The following NET1 variants were observed in gnomAD, a reference collection of about 807,000 sequenced individuals.
NET1 encodes neuroepithelial cell-transforming gene 1 protein.
A neutral mutation model predicts 61.1 loss-of-function variants in NET1; 42 were observed. The observed-to-expected ratio is 0.69, with a 90% CI of 0.54 to 0.89. NET1 has a LOEUF of 0.89. Among genes scored for constraint, NET1 ranks in the 40% least tolerant of loss-of-function variants. The pLI, the probability that NET1 is intolerant of heterozygous loss-of-function variation, is 0.00. For synonymous variants in NET1, 254 were observed against 281.8 expected, an observed-to-expected ratio of 0.90 and a Z score of 0.99; for missense variants, 654 against 747.3, an observed-to-expected ratio of 0.88 and a Z score of 1.46.
chr10:5,434,695 CT>C (rs11288889), intron 3 of NET1, among the ~76,000 whole-genome samples: 8,900 of 104,340 alleles, frequency 0.085, 351 homozygotes, highest in South Asian at 0.23. Flanking sequence ...TGTGGGTTTT[CT>C]TTTTTTTTTT....
rs542134861 is a variant in NET1, at chr10:5,415,109, C to T, written c.128+2289C>T. ...GTATTAATTGTGAGGCAAGAAGCAA[C>T]TAAGCACTGTATCAGATTCAGAAAT... On this transcript the variant is annotated intron_variant, in intron 1 of 11. Transcript: ENST00000355029. This position sits in a 1 kb window ranked among gnomAD's most constrained non-coding sequence, Gnocchi z 4.7. Among the ~76,000 whole-genome samples the T allele has an allele frequency of 5.3e-5, 8 of 152,274 alleles. No individual in the cohort carries two copies. The highest frequency in any genetic ancestry group is 1.9e-4 in the African/African-American group (8 of 41,550).
chr10:5,450,620 A>C (rs1299736758), intron 3 of NET1, among the ~76,000 whole-genome samples: 1 of 152,092 alleles, frequency 6.6e-6, no homozygotes, highest in Non-Finnish European at 1.5e-5. Context: ...GATAATTTTA[A>C]TATAATTTTA....
At chr10:5,432,070 G>C (rs1832358206) in intron 3 of NET1, among the ~76,000 whole-genome samples, 1 of 151,818 alleles carries the variant, frequency 6.6e-6, no homozygotes, top group Non-Finnish European at 1.5e-5. Flanking sequence ...CTATTTTTTT[G>C]CTCTATGCCT....
At chr10:5,428,343 A>G (rs1832293012) in intron 2 of NET1, among the ~76,000 whole-genome samples, 1 of 152,154 alleles carries the variant, frequency 6.6e-6, no homozygotes, top group Admixed American at 6.5e-5. Flanking sequence ...AAAGTGATAA[A>G]TGGTAAGTGG....
rs1407426603 is a variant in NET1, at chr10:5,412,874, G to T, written c.128+54G>T. The T allele has an allele frequency of 1.2e-5, 16 of 1,310,612 alleles. No individual in the cohort carries two copies. The highest frequency in any genetic ancestry group is 4.2e-5 in the South Asian group (2 of 47,064). 81.2% of individuals were successfully genotyped at this position (1,310,612 alleles called of 1,614,324 possible). ...GGGAGGTGAGTGTAGGGGAGCGGAGGGCCGAACGGGAGGTGAGTGTTGGAG... is the reference window on the plus strand; with the variant it reads ...GGGAGGTGAGTGTAGGGGAGCGGAGTGCCGAACGGGAGGTGAGTGTTGGAG... On this transcript the variant is annotated intron_variant, in intron 1 of 11. Transcript: ENST00000355029. The surrounding 1 kb of genome is among the most constrained non-coding windows in gnomAD (Gnocchi z 6.5).
rs558901026 is a variant in NET1, at chr10:5,420,858, T to C, written c.129-5797T>C. 6.6e-6 allele frequency among the ~76,000 whole-genome samples: 1 copy of C among 152,098 alleles called. No individual in the cohort carries two copies. Among genetic ancestry groups the C allele is most frequent in the Non-Finnish European group, 1.5e-5 (1 of 68,002 alleles). On this transcript the variant is annotated intron_variant, in intron 1 of 11. Coordinates refer to ENST00000355029, the MANE Select transcript of NET1 (RefSeq NM_001047160.3). The surrounding 1 kb of genome is among the most constrained non-coding windows in gnomAD (Gnocchi z 5.3). ...AACCGCCCACCTTGACCTCCCAAAG[T>C]GCTGGGATTACAAGTATGAGTCACT...
intron 3 of NET1, among the ~76,000 whole-genome samples, chr10:5,445,822 C>T (rs539573054): frequency 1.3e-5 from 2 of 152,280 alleles, no homozygotes; most frequent in Admixed American, 6.5e-5. Context: ...TGACCCTGTT[C>T]GAGCTATATC....
rs1832276737 is a variant in NET1, at chr10:5,427,533, G to A, written c.195+812G>A. The stretch of plus-strand genomic sequence containing the variant: ...CTCATATCATTAATATACACAAAGA[G>A]GCTCACAGATAAATACACAAGCAGG... On this transcript the variant is annotated intron_variant, in intron 2 of 11. Coordinates refer to ENST00000355029, the MANE Select transcript of NET1 (RefSeq NM_001047160.3). This position sits in a 1 kb window ranked among gnomAD's most constrained non-coding sequence, Gnocchi z 4.1. Among the ~76,000 whole-genome samples the A allele has an allele frequency of 6.6e-6, 1 of 152,068 alleles. No individual in the cohort carries two copies. The highest frequency in any genetic ancestry group is 2.1e-4 in the South Asian group (1 of 4,816).
intron 3 of NET1, among the ~76,000 whole-genome samples, chr10:5,434,152 AG>A (rs1463497159): frequency 1.3e-5 from 2 of 152,224 alleles, no homozygotes; most frequent in Non-Finnish European, 2.9e-5. Context: ...GTATGGTGAG[AG>A]GAATAGGCCA....
Position 5,432,521 on chromosome 10 carries a change from A to T in NET1, c.255+3292A>T, listed in dbSNP as rs184456161. ...AATTACTGTGTTTTTAAATTATTAC[A>T]CTCACTTCTGTGTGTAATTACACCA... On this transcript the variant is annotated intron_variant, in intron 3 of 11. Coordinates refer to ENST00000355029, the MANE Select transcript of NET1 (RefSeq NM_001047160.3). 5.3e-5 allele frequency among the ~76,000 whole-genome samples: 8 copies of T among 152,198 alleles called. No homozygotes were observed. The East Asian group carries it at 1.5e-3, about 29-fold the overall frequency.
intron 3 of NET1, among the ~76,000 whole-genome samples, chr10:5,434,976 A>C (rs1832405645): frequency 6.6e-6 from 1 of 152,108 alleles, no homozygotes; most frequent in Admixed American, 6.6e-5. Flanking sequence ...ACTTTTTCAG[A>C]GCTATAGAAA....
At position 5,452,832 on chromosome 10, in the gene NET1, C is replaced by G. The variant is rs1276629283; in HGVS notation, c.532-26C>G. The stretch of plus-strand genomic sequence containing the variant: ...AATTTTCCTTTCTCGAAGGAATGAC[C>G]TCTGATGTTTGCTGGATGTTTTTAG... On this transcript the variant is annotated intron_variant, in intron 5 of 11. Transcript: ENST00000355029. The surrounding 1 kb of genome is among the most constrained non-coding windows in gnomAD (Gnocchi z 4.0). The G allele has an allele frequency of 1.2e-6, 2 of 1,604,306 alleles. No homozygotes were observed. Among genetic ancestry groups the G allele is most frequent in the Non-Finnish European group, 1.7e-6 (2 of 1,175,494 alleles).
chr10:5,419,115 A>G (rs906278385), intron 1 of NET1, among the ~76,000 whole-genome samples: 20 of 152,306 alleles, frequency 1.3e-4, no homozygotes, highest in Non-Finnish European at 2.6e-4. Context: ...CAATCTGTTT[A>G]TCACTATAAA....
In NET1 at chr10:5,416,927, A is replaced by G. The variant is rs2119163125; in HGVS notation, c.128+4107A>G. ...ATCAGCTCAGTTAGACCCCTGCCTT[A>G]TTTCAAGGACAGGGGGCCTTCTGTA... On this transcript the variant is annotated intron_variant, in intron 1 of 11. Coordinates refer to ENST00000355029, the MANE Select transcript of NET1 (RefSeq NM_001047160.3). The surrounding 1 kb of genome is among the most constrained non-coding windows in gnomAD (Gnocchi z 6.1). Among the ~76,000 whole-genome samples the G allele has an allele frequency of 6.6e-6, 1 of 152,248 alleles. No homozygotes were observed. Among genetic ancestry groups the G allele is most frequent in the Non-Finnish European group, 1.5e-5 (1 of 67,998 alleles).
chr10:5,453,115 A>G lies in NET1; in HGVS notation c.595-135A>G, dbSNP rs1207279344. 1 of 734,248 alleles carries G rather than the reference A, an allele frequency of 1.4e-6. No individual in the cohort carries two copies. The highest frequency in any genetic ancestry group is 1.7e-5 in the South Asian group (1 of 60,358). The allele number at this position is 734,248 out of a possible 1,614,324, so 45.5% of individuals were successfully genotyped here. On this transcript the variant is annotated intron_variant, in intron 6 of 11. Coordinates refer to ENST00000355029, the MANE Select transcript of NET1 (RefSeq NM_001047160.3). This position sits in a 1 kb window ranked among gnomAD's most constrained non-coding sequence, Gnocchi z 4.9. ...AGAGAGTTTATTTGGGGATTAATAC[A>G]TACTAATTTATTTTATGTGTAGCAA...
rs930124586 is a variant in NET1, at chr10:5,422,203, G to A, written c.129-4452G>A. Among the ~76,000 whole-genome samples the A allele has an allele frequency of 2.0e-5, 3 of 152,092 alleles. No homozygotes were observed. Among genetic ancestry groups the A allele is most frequent in the East Asian group, 3.9e-4 (2 of 5,178 alleles). On this transcript the variant is annotated intron_variant, in intron 1 of 11. Coordinates refer to ENST00000355029, the MANE Select transcript of NET1 (RefSeq NM_001047160.3). The surrounding 1 kb of genome is among the most constrained non-coding windows in gnomAD (Gnocchi z 4.1). ...AATATAAAATTTAGCTGGGCATGGT[G>A]GCGTGCCCCTGTAATCCTAGCTACT...
chr10:5,435,534 CAGACAGACAGATAGAT>C lies in NET1; in HGVS notation c.255+6309_255+6324del, dbSNP rs1832416654. 0.014 allele frequency among the ~76,000 whole-genome samples: 85 copies of C among 5,936 alleles called. No homozygotes were observed. The highest frequency in any genetic ancestry group is 0.12 in the Middle Eastern group (1 of 8). 3.9% of individuals were successfully genotyped at this position (5,936 alleles called of 152,430 possible). A position where few individuals can be genotyped will look rare whatever the true frequency, so the allele number is the denominator to read the frequency against. On this transcript the variant is annotated intron_variant, in intron 3 of 11. Transcript: ENST00000355029. This position sits in a 1 kb window ranked among gnomAD's most constrained non-coding sequence, Gnocchi z 5.0. Reference sequence around the variant, plus strand: ...ATAGATAGATAGATAGATAGATAGACAGACAGACAGATAGATAGATAGATAGATAAAATAGATACTC... The same window carrying C: ...ATAGATAGATAGATAGATAGATAGACAGATAGATAGATAAAATAGATACTC...
At position 5,415,934 on chromosome 10, in the gene NET1, G is replaced by T. The variant is rs1832075242; in HGVS notation, c.128+3114G>T. Among the ~76,000 whole-genome samples, 2 of 152,184 alleles carry T rather than the reference G, an allele frequency of 1.3e-5. No homozygotes were observed. Among genetic ancestry groups the T allele is most frequent in the Admixed American group, 6.5e-5 (1 of 15,288 alleles). On this transcript the variant is annotated intron_variant, in intron 1 of 11. Coordinates refer to ENST00000355029, the MANE Select transcript of NET1 (RefSeq NM_001047160.3). This position sits in a 1 kb window ranked among gnomAD's most constrained non-coding sequence, Gnocchi z 4.7. ...TTGTCTATTTTTGCTTTTGTTGCCT[G>T]TGTTTTGGTGTCACATCCAAGAAAT...
chr10:5,430,875 CT>C (rs71294427), intron 3 of NET1, among the ~76,000 whole-genome samples: 49 of 137,650 alleles, frequency 3.6e-4, no homozygotes, highest in Middle Eastern at 3.8e-3. Flanking sequence ...AACTATATCT[CT>C]TTTTTTTTTT....
Sources: allele counts gnomAD v4.1 joint callset (sites outside exome capture counted in the v4.1 genomes callset), GRCh38; gene constraint gnomAD v4.1.1; non-coding constraint Gnocchi (gnomAD v3.1); transcripts MANE v1.5; gene names NCBI Gene and HGNC (gene_info 2026-07-23, HGNC 2026-07-21).